EPM2A: variants seen among roughly 807,000 people sequenced by gnomAD.
EPM2A encodes EPM2A glucan phosphatase, laforin.
EPM2A carries 21 observed loss-of-function variants against 26.5 expected under a neutral mutation model. The ratio of observed to expected loss-of-function variants is 0.79; its 90% CI spans 0.56 to 1.14. EPM2A has a LOEUF of 1.14. Among genes scored for constraint, EPM2A ranks in the 50% most tolerant of loss-of-function variants. The pLI, the probability that EPM2A is intolerant of heterozygous loss-of-function variation, is 0.00. For missense variants in EPM2A, 458 were observed against 440.8 expected, an observed-to-expected ratio of 1.04 and a Z score of -0.35; for synonymous variants, 217 against 177.6, an observed-to-expected ratio of 1.22 and a Z score of -1.76.
At chr6:145,705,642 A>G (rs1782181280) in intron 1 of EPM2A, 1 of 445,834 alleles carries the variant, frequency 2.2e-6, no homozygotes, top group Non-Finnish European at 4.5e-6. Flanking sequence ...TCTTGTTCAC[A>G]TTGTCATCAT....
chr6:145,721,505 C>G (rs1464733970), intron 1 of EPM2A: 2 of 152,248 alleles, frequency 1.3e-5, no homozygotes, highest in Non-Finnish European at 2.9e-5. Flanking sequence ...CTTCTCACAC[C>G]TGGTGAAGGC....
chr6:145,524,567 T>C (rs569488696), intron 2 of EPM2A, among the ~76,000 whole-genome samples: 97 of 152,282 alleles, frequency 6.4e-4, no homozygotes, highest in African/African-American at 2.3e-3. Context: ...TGGCCACTTG[T>C]ATGTCTTCTT....
rs554685084 is a variant in EPM2A, at chr6:145,646,368, G to C, written c.477-10882C>G. Among the ~76,000 whole-genome samples the C allele has an allele frequency of 2.0e-5, 3 of 151,744 alleles. No homozygotes were observed. The South Asian group carries it at 6.3e-4, about 32-fold the overall frequency. On this transcript the variant is annotated intron_variant, in intron 2 of 3. Coordinates refer to ENST00000367519, the MANE Select transcript of EPM2A (RefSeq NM_005670.4). ...ATTTTTTGTATTTTTAGTAGAGATG[G>C]GTTTTCACCATGTTGGCCAGGCTGG...
intron 2 of EPM2A, among the ~76,000 whole-genome samples, chr6:145,520,891 T>C (rs1216382265): frequency 2.0e-5 from 3 of 152,178 alleles, no homozygotes; most frequent in Non-Finnish European, 2.9e-5. Flanking sequence ...TTGCCATGTT[T>C]TTAATAAGTC....
At chr6:145,474,665 T>A (rs1483940089) in intron 4 of EPM2A, among the ~76,000 whole-genome samples, 1 of 151,990 alleles carries the variant, frequency 6.6e-6, no homozygotes, top group East Asian at 1.9e-4. Context: ...AAGAAACTAT[T>A]ATCAGATTGA....
chr6:145,719,652 A>C (rs1337679448), intron 1 of EPM2A, among the ~76,000 whole-genome samples: 1 of 152,156 alleles, frequency 6.6e-6, no homozygotes, highest in Admixed American at 6.5e-5. Context: ...AAAACATTGC[A>C]TATAGGTTTC....
intron 2 of EPM2A, among the ~76,000 whole-genome samples, chr6:145,680,547 C>A (rs943504857): frequency 2.0e-5 from 3 of 152,044 alleles, no homozygotes; most frequent in South Asian, 2.1e-4. Context: ...CCCACTCCCC[C>A]CACCCCACAA....
intron 4 of EPM2A, among the ~76,000 whole-genome samples, chr6:145,488,522 T>TGAGAGAGAGAGAGAGA (rs200590979): frequency 1.2e-4 from 17 of 140,002 alleles, no homozygotes; most frequent in Admixed American, 3.6e-4. Flanking sequence ...TGTGTGTGTG[T>TGAGAGAGAGAGAGAGA]GAGAGAGAGA....
intron 4 of EPM2A, among the ~76,000 whole-genome samples, chr6:145,407,073 G>C (rs544639237): frequency 6.6e-6 from 1 of 152,048 alleles, no homozygotes; most frequent in Non-Finnish European, 1.5e-5. Flanking sequence ...CTGACCGTGC[G>C]ATCCCCAGCT....
chr6:145,574,578 T>A (rs1781003917), intron 2 of EPM2A, among the ~76,000 whole-genome samples: 1 of 152,124 alleles, frequency 6.6e-6, no homozygotes, highest in Non-Finnish European at 1.5e-5. Flanking sequence ...TGGTCAAGGG[T>A]ATATCTTCTG....
chr6:145,718,743 G>A (rs1011942461), intron 1 of EPM2A, among the ~76,000 whole-genome samples: 4 of 152,160 alleles, frequency 2.6e-5, no homozygotes, highest in Admixed American at 6.5e-5. Flanking sequence ...CTAATATCCA[G>A]AATCTACAAT....
At chr6:145,601,518 T>C (rs1781416517) in intron 2 of EPM2A, among the ~76,000 whole-genome samples, 1 of 152,210 alleles carries the variant, frequency 6.6e-6, no homozygotes, top group Non-Finnish European at 1.5e-5. Context: ...TTACCAGATA[T>C]CTAAATAGGA....
At chr6:145,553,787 A>G (rs1015774389) in intron 2 of EPM2A, among the ~76,000 whole-genome samples, 1 of 148,706 alleles carries the variant, frequency 6.7e-6, no homozygotes, top group African/African-American at 2.4e-5. Flanking sequence ...TGTTGCTGAC[A>G]AATAGTTACA....
chr6:145,652,990 G>C (rs1777993450), intron 2 of EPM2A, among the ~76,000 whole-genome samples: 1 of 152,156 alleles, frequency 6.6e-6, no homozygotes. Flanking sequence ...ACTTGATACT[G>C]TGCCACTGAA....
chr6:145,516,134 C>A (rs564521635), intron 2 of EPM2A, among the ~76,000 whole-genome samples: 1 of 152,200 alleles, frequency 6.6e-6, no homozygotes, highest in South Asian at 2.1e-4. Flanking sequence ...TTATTGCCAC[C>A]ATGAAAGACT....
At chr6:145,428,893 C>T (rs1778886497) in intron 4 of EPM2A, among the ~76,000 whole-genome samples, 1 of 152,196 alleles carries the variant, frequency 6.6e-6, no homozygotes, top group South Asian at 2.1e-4. Flanking sequence ...AGCTACCCAG[C>T]TGCTAGTGCT....
chr6:145,447,300 TAA>T (rs1026000155), intron 4 of EPM2A, among the ~76,000 whole-genome samples: 8 of 152,186 alleles, frequency 5.3e-5, no homozygotes, highest in African/African-American at 1.9e-4. Context: ...CAATATATTT[TAA>T]GTTTATTCTA....
intron 4 of EPM2A, among the ~76,000 whole-genome samples, chr6:145,450,441 A>G (rs766059944): frequency 6.6e-6 from 1 of 151,932 alleles, no homozygotes; most frequent in Non-Finnish European, 1.5e-5. Flanking sequence ...CTATTAATCC[A>G]GAACTCCCCT....
intron 2 of EPM2A, among the ~76,000 whole-genome samples, chr6:145,647,891 T>C (rs1276437335): frequency 6.6e-6 from 1 of 152,250 alleles, no homozygotes; most frequent in African/African-American, 2.4e-5. Flanking sequence ...TGTTAAATTA[T>C]TTGTTGAATT....
Sources: gnomAD v4.1 joint callset for allele counts (sites outside exome capture counted in the v4.1 genomes callset) on GRCh38, gnomAD v4.1.1 for gene constraint, MANE v1.5 for transcripts, NCBI Gene and HGNC (gene_info 2026-07-23, HGNC 2026-07-21) for gene names.